SCO1: variants seen among roughly 807,000 people sequenced by gnomAD.
SCO1 encodes synthesis of cytochrome C oxidase 1.
A neutral mutation model predicts 34.0 loss-of-function variants in SCO1; 23 were observed. That is an observed-to-expected ratio of 0.68 (90% CI 0.49 to 0.96). SCO1 has a LOEUF of 0.96. Ranked by LOEUF, SCO1 falls within the 40% of genes least tolerant of loss-of-function variation. SCO1 has a pLI of 0.00. For synonymous variants in SCO1, 161 were observed against 145.5 expected (o/e 1.11, Z -0.77); for missense variants, 404 against 381.6 (o/e 1.06, Z -0.49).
intron 1 of SCO1, among the ~76,000 whole-genome samples, chr17:10,696,843 C>T (rs2074731836): frequency 6.6e-6 from 1 of 152,126 alleles, no homozygotes; most frequent in Non-Finnish European, 1.5e-5. Context: ...TCAATTTCAA[C>T]GTATACATGG....
In SCO1 at chr17:10,676,745, G is replaced by A. The variant is rs2074583451; in HGVS notation, c.*4374C>T. The A allele has an allele frequency of 6.6e-6, 1 of 152,202 alleles. No homozygotes were observed. The highest frequency in any genetic ancestry group is 1.5e-5 in the Non-Finnish European group (1 of 68,044). The allele number at this position is 152,202 out of a possible 1,614,324, so 9.4% of individuals were successfully genotyped here. On this transcript the variant is annotated 3_prime_UTR_variant, in exon 6 of 6. Coordinates refer to ENST00000255390, the MANE Select transcript of SCO1 (RefSeq NM_004589.4). ...TACCTCCAAGTATTATTTCTTGGTAGTGGAACAACAGTGATTGAAAATTTT... is the reference window on the plus strand; with the variant it reads ...TACCTCCAAGTATTATTTCTTGGTAATGGAACAACAGTGATTGAAAATTTT...
chr17:10,696,475 C>A (rs2074727856), intron 1 of SCO1, among the ~76,000 whole-genome samples: 1 of 152,090 alleles, frequency 6.6e-6, no homozygotes, highest in Non-Finnish European at 1.5e-5. Context: ...AAAACACACA[C>A]ACAAAAAACA....
chr17:10,697,483 C>G lies in SCO1; in HGVS notation c.25G>C (p.Gly9Arg), dbSNP rs767509851. 1.2e-6 allele frequency: 2 copies of G among 1,613,480 alleles called. No homozygotes were observed. Among genetic ancestry groups the G allele is most frequent in the South Asian group, 2.2e-5 (2 of 91,048 alleles). MAMLVLVPGRVMRPLGGQL... is the reference protein window; with the variant it reads MAMLVLVPRRVMRPLGGQL... ...CCACCCAGAGGCCGCATAACTCGTC[C>G]GGGTACTAGGACCAGCATCGCCATG... The change falls in exon 1 of 6, where the codon GGA becomes CGA. Residue 9 changes from glycine to arginine, a missense_variant. Physicochemically the swap from Gly to Arg is moderately radical, Grantham distance 125. Transcript: ENST00000255390.
intron 3 of SCO1, among the ~76,000 whole-genome samples, chr17:10,692,343 A>C (rs1415205538): frequency 6.6e-6 from 1 of 152,206 alleles, no homozygotes; most frequent in Non-Finnish European, 1.5e-5. Context: ...GTAAATTGTT[A>C]ATAAGAGCTG....
chr17:10,679,253 A>G lies in SCO1; in HGVS notation c.*1866T>C, dbSNP rs1434867297. 6.6e-6 allele frequency: 1 copy of G among 152,072 alleles called. No homozygotes were observed. Among genetic ancestry groups the G allele is most frequent in the Non-Finnish European group, 1.5e-5 (1 of 68,020 alleles). 9.4% of individuals were successfully genotyped at this position (152,072 alleles called of 1,614,324 possible). A position where few individuals can be genotyped will look rare whatever the true frequency, so the allele number is the denominator to read the frequency against. On this transcript the variant is annotated 3_prime_UTR_variant, in exon 6 of 6. Transcript: ENST00000255390. ...ATAAGCCACTGTGCCCAGCTAATCT[A>G]TTATTTTAAGAACACCAGTCATATA... is the stretch of plus-strand genomic sequence containing the variant.
At chr17:10,685,361 C>T (rs115841122) in intron 5 of SCO1, among the ~76,000 whole-genome samples, 495 of 152,192 alleles carry the variant, frequency 3.3e-3, no homozygotes, top group African/African-American at 0.011. Flanking sequence ...AATACAACGC[C>T]GACTCTTCAT....
chr17:10,693,194 T>G (rs915107882), intron 2 of SCO1, among the ~76,000 whole-genome samples: 12 of 152,222 alleles, frequency 7.9e-5, no homozygotes, highest in African/African-American at 2.9e-4. Flanking sequence ...AAAAAATATT[T>G]CTTCTTTTTC....
At chr17:10,684,847 T>C (rs1367488355) in intron 5 of SCO1, among the ~76,000 whole-genome samples, 2 of 152,252 alleles carry the variant, frequency 1.3e-5, no homozygotes, top group African/African-American at 2.4e-5. Flanking sequence ...TGTGGCTCTC[T>C]GCTCTTCTCT....
rs779082082 is a variant in SCO1 at position 10,680,992 on chromosome 17, T to C, written c.*127A>G. On this transcript the variant is annotated 3_prime_UTR_variant, in exon 6 of 6. Transcript: ENST00000255390. ...GTAACATCCCCATCCAAAACAGAAA[T>C]GTTCTCATGGTATGAAGGCCATTCT... 2 of 1,141,502 alleles carry C rather than the reference T, an allele frequency of 1.8e-6. No homozygotes were observed. The highest frequency in any genetic ancestry group is 2.6e-6 in the Non-Finnish European group (2 of 758,982). 70.7% of individuals were successfully genotyped at this position (1,141,502 alleles called of 1,614,324 possible). A position where few individuals can be genotyped will look rare whatever the true frequency, so the allele number is the denominator to read the frequency against.
rs150369629 is a variant in SCO1, at chr17:10,694,842, C to A, written c.364+899G>T. 1.1e-3 allele frequency among the ~76,000 whole-genome samples: 171 copies of A among 152,196 alleles called. 1 individual carries two copies. In the East Asian group the frequency reaches 0.025, roughly 22 times the overall value. On this transcript the variant is annotated intron_variant, in intron 2 of 5. Coordinates refer to ENST00000255390, the MANE Select transcript of SCO1 (RefSeq NM_004589.4). ...ATCTTACCCAATACTACTTATTATGCCAAAGAGTCTCATATATATGTATGT... is the reference window on the plus strand; with the variant it reads ...ATCTTACCCAATACTACTTATTATGACAAAGAGTCTCATATATATGTATGT...
In SCO1 at chr17:10,675,899, A is replaced by G. The variant is rs1317387224; in HGVS notation, c.*5220T>C. The stretch of plus-strand genomic sequence containing the variant: ...CCTTGAACTGGGTGCAAACATGGAC[A>G]AAGTCACATGTATGACATGGAGACA... On this transcript the variant is annotated 3_prime_UTR_variant, in exon 6 of 6. Coordinates refer to ENST00000255390, the MANE Select transcript of SCO1 (RefSeq NM_004589.4). The G allele has an allele frequency of 6.6e-6, 1 of 152,212 alleles. No individual in the cohort carries two copies. Among genetic ancestry groups the G allele is most frequent in the African/African-American group, 2.4e-5 (1 of 41,456 alleles). The allele number at this position is 152,212 out of a possible 1,614,324, so 9.4% of individuals were successfully genotyped here.
rs57744268 is a variant in SCO1 at position 10,696,952 on chromosome 17, ATT to A, written c.273+281_273+282del. On this transcript the variant is annotated intron_variant, in intron 1 of 5. Transcript: ENST00000255390. ...TACCCTTAAGAAAACCTGAAACTTA[ATT>A]TTTTTTTTTTTTTTGATGGAAACGC... Among the ~76,000 whole-genome samples, 6,580 of 146,250 alleles carry A rather than the reference ATT, an allele frequency of 0.045. 455 individuals carry two copies. Among genetic ancestry groups the A allele is most frequent in the African/African-American group, 0.15 (6,063 of 39,968 alleles).
intron 5 of SCO1, among the ~76,000 whole-genome samples, chr17:10,683,717 T>C (rs2074636416): frequency 6.7e-6 from 1 of 150,178 alleles, no homozygotes; most frequent in Non-Finnish European, 1.5e-5. Flanking sequence ...CTAACTAATA[T>C]CTATATAATA....
chr17:10,676,843 A>G lies in SCO1; in HGVS notation c.*4276T>C, dbSNP rs1431808922. The G allele has an allele frequency of 6.6e-6, 1 of 152,234 alleles. No homozygotes were observed. Among genetic ancestry groups the G allele is most frequent in the East Asian group, 1.9e-4 (1 of 5,194 alleles). 9.4% of individuals were successfully genotyped at this position (152,234 alleles called of 1,614,324 possible). On this transcript the variant is annotated 3_prime_UTR_variant, in exon 6 of 6. Coordinates refer to ENST00000255390, the MANE Select transcript of SCO1 (RefSeq NM_004589.4). ...GTATAATTACGGAAGAAGAGCCAAC[A>G]AACTTTCAAATACATTGGAAAAGTA... is the stretch of plus-strand genomic sequence containing the variant.
intron 1 of SCO1, among the ~76,000 whole-genome samples, chr17:10,696,122 T>C (rs2074723335): frequency 7.0e-6 from 1 of 143,754 alleles, no homozygotes; most frequent in African/African-American, 2.5e-5. Context: ...ATTGTTACTA[T>C]GTGTGACCCT....
chr17:10,681,313 T>C, intron 5 of SCO1, 60 bp from the exon 6 acceptor site: 3 of 1,552,506 alleles, frequency 1.9e-6, no homozygotes, highest in Non-Finnish European at 1.8e-6. Flanking sequence ...CTTATTTTAC[T>C]GAATGTATGC....
intron 1 of SCO1, among the ~76,000 whole-genome samples, chr17:10,696,504 T>C (rs1429568455): frequency 6.6e-6 from 1 of 152,226 alleles, no homozygotes; most frequent in Non-Finnish European, 1.5e-5. Flanking sequence ...CTTATGCTGA[T>C]ACTGAGATAA....
chr17:10,697,519 A>C lies in SCO1; in HGVS notation c.-12T>G. On this transcript the variant is annotated 5_prime_UTR_variant, in exon 1 of 6. Transcript: ENST00000255390. ...ACCAGCATCGCCATGAGCCTCGGAG[A>C]CCGGGTCTCCTTTGACCCTCCCCGC... 5 of 1,612,994 alleles carry C rather than the reference A, an allele frequency of 3.1e-6. No individual in the cohort carries two copies. The highest frequency in any genetic ancestry group is 4.2e-6 in the Non-Finnish European group (5 of 1,179,844).
rs1221345642 is a variant in SCO1, at chr17:10,673,568, C to G, written c.*7551G>C. 6.6e-6 allele frequency: 1 copy of G among 152,264 alleles called. No homozygotes were observed. The highest frequency in any genetic ancestry group is 1.9e-4 in the East Asian group (1 of 5,202). 9.4% of individuals were successfully genotyped at this position (152,264 alleles called of 1,614,324 possible). On this transcript the variant is annotated 3_prime_UTR_variant, in exon 6 of 6. Coordinates refer to ENST00000255390, the MANE Select transcript of SCO1 (RefSeq NM_004589.4). ...CCACTTTCTTCTGTAACTAAGACGG[C>G]CTTAGCAGAGCCTGGGCTGACAGGG...
Sources: gnomAD v4.1 joint callset for allele counts (sites outside exome capture counted in the v4.1 genomes callset) on GRCh38, gnomAD v4.1.1 for gene constraint, MANE v1.5 for transcripts, NCBI Gene and HGNC (gene_info 2026-07-23, HGNC 2026-07-21) for gene names.